The following FGF14 variants were observed in gnomAD, a reference collection of about 807,000 sequenced individuals.
The protein encoded by FGF14 is fibroblast growth factor 14.
In FGF14, 5 loss-of-function variants were observed where a neutral mutation model predicts 25.5. That is an observed-to-expected ratio of 0.20 (90% CI 0.10 to 0.41). The LOEUF is 0.41. Ranked by LOEUF, FGF14 falls within the 10% of genes least tolerant of loss-of-function variation. FGF14 has a pLI of 1.00. For synonymous variants in FGF14, 138 were observed against 118.3 expected, an observed-to-expected ratio of 1.17 and a Z score of -1.08; for missense variants, 222 against 320.1, an observed-to-expected ratio of 0.69 and a Z score of 2.34.
At chr13:102,199,932 G>A (rs1017308261) in intron 1 of FGF14, among the ~76,000 whole-genome samples, 5 of 152,120 alleles carry the variant, frequency 3.3e-5, no homozygotes, top group African/African-American at 1.2e-4. Flanking sequence ...ACACTTTGGG[G>A]ATGCACCCTT....
intron 1 of FGF14, among the ~76,000 whole-genome samples, chr13:102,137,359 A>T (rs2046456695): frequency 6.6e-6 from 1 of 152,248 alleles, no homozygotes; most frequent in Non-Finnish European, 1.5e-5. Flanking sequence ...CCGGACAAGC[A>T]AATAAAATTA....
intron 1 of FGF14, among the ~76,000 whole-genome samples, chr13:102,153,091 G>C (rs2047160366): frequency 6.6e-6 from 1 of 152,152 alleles, no homozygotes; most frequent in East Asian, 1.9e-4. Flanking sequence ...ATAGAGTGAA[G>C]CGATTAACCG....
chr13:101,824,909 C>A (rs191155398), intron 3 of FGF14, among the ~76,000 whole-genome samples: 132 of 152,340 alleles, frequency 8.7e-4, no homozygotes, highest in African/African-American at 3.1e-3. Context: ...AATACATCCC[C>A]TTGCCAGGAG....
intron 1 of FGF14, among the ~76,000 whole-genome samples, chr13:102,037,534 T>C (rs535128219): frequency 1.1e-4 from 17 of 152,222 alleles, no homozygotes; most frequent in Admixed American, 5.9e-4. Flanking sequence ...TCCATATTCC[T>C]AACATAATCA....
intron 1 of FGF14, among the ~76,000 whole-genome samples, chr13:102,112,339 G>GT (rs2045271919): frequency 6.6e-6 from 1 of 152,056 alleles, no homozygotes; most frequent in South Asian, 2.1e-4. Context: ...AGAAGCTCAG[G>GT]TCCCCCGCCT....
At chr13:102,141,482 C>G (rs1229992541) in intron 1 of FGF14, among the ~76,000 whole-genome samples, 1 of 152,140 alleles carries the variant, frequency 6.6e-6, no homozygotes, top group Non-Finnish European at 1.5e-5. Context: ...AAACAGATTT[C>G]AAGACGAGAA....
intron 1 of FGF14, among the ~76,000 whole-genome samples, chr13:102,323,226 A>G (rs144935891): frequency 1.5e-4 from 23 of 152,302 alleles, no homozygotes; most frequent in African/African-American, 5.5e-4. Flanking sequence ...GTTCCATGTC[A>G]GTTTGAGACC....
At chr13:101,958,044 AAC>A (rs1181905239) in intron 1 of FGF14, among the ~76,000 whole-genome samples, 1 of 152,236 alleles carries the variant, frequency 6.6e-6, no homozygotes, top group Non-Finnish European at 1.5e-5. Flanking sequence ...CAGTAAATAA[AAC>A]ACATTGTCTA....
rs1284296667 is a variant in FGF14, at chr13:102,009,437, G to A, written c.209-134141C>T. 1.4e-4 allele frequency among the ~76,000 whole-genome samples: 22 copies of A among 151,826 alleles called. No individual in the cohort carries two copies. The East Asian group carries it at 3.3e-3, about 23-fold the overall frequency. On this transcript the variant is annotated intron_variant, in intron 1 of 4. Transcript: ENST00000376131. Reference sequence around the variant, plus strand: ...ATCAGTTTGACGTGCATGAGTTTGTGGTTTCACTGTGCATTGTAATCAACA... The same window carrying A: ...ATCAGTTTGACGTGCATGAGTTTGTAGTTTCACTGTGCATTGTAATCAACA...
chr13:101,821,243 C>G (rs374472361), intron 3 of FGF14, among the ~76,000 whole-genome samples: 8 of 152,134 alleles, frequency 5.3e-5, no homozygotes, highest in Non-Finnish European at 1.0e-4. Context: ...CCACTGCGCC[C>G]GGCCCAAATT....
chr13:102,035,297 A>AT (rs1486922138), intron 1 of FGF14, among the ~76,000 whole-genome samples: 2 of 152,064 alleles, frequency 1.3e-5, no homozygotes, highest in Non-Finnish European at 2.9e-5. Flanking sequence ...ACTTATATTT[A>AT]TTTTTATATT....
chr13:102,195,171 A>T (rs2049294596), intron 1 of FGF14, among the ~76,000 whole-genome samples: 1 of 152,232 alleles, frequency 6.6e-6, no homozygotes, highest in African/African-American at 2.4e-5. Context: ...CACATGAAGA[A>T]ATATTAACAG....
At chr13:102,007,024 G>A (rs372015906) in intron 1 of FGF14, among the ~76,000 whole-genome samples, 21 of 152,192 alleles carry the variant, frequency 1.4e-4, no homozygotes, top group African/African-American at 4.3e-4. Flanking sequence ...GATTACAGGC[G>A]TGAGCCACCG....
At chr13:102,150,293 AG>A (rs1247602690) in intron 1 of FGF14, among the ~76,000 whole-genome samples, 2 of 116,524 alleles carry the variant, frequency 1.7e-5, no homozygotes, top group Non-Finnish European at 1.7e-5. Context: ...TTGTGTTTTT[AG>A]GTTTTTTTTT....
At position 101,788,057 on chromosome 13, in the gene FGF14, G is replaced by C. The variant is rs566539569; in HGVS notation, c.409-61247C>G. Among the ~76,000 whole-genome samples, 43 of 152,208 alleles carry C rather than the reference G, an allele frequency of 2.8e-4. 1 individual carries two copies. In the East Asian group the frequency reaches 8.3e-3, roughly 29 times the overall value. On this transcript the variant is annotated intron_variant, in intron 3 of 4. Transcript: ENST00000376143. ...CAGCTAATTTTTGTATTTTTTAGTA[G>C]AGACAGGGTTTTGCCATGTTGGTCA...
chr13:102,364,688 C>T (rs186828746), intron 1 of FGF14, among the ~76,000 whole-genome samples: 14 of 152,258 alleles, frequency 9.2e-5, no homozygotes, highest in African/African-American at 2.6e-4. Context: ...AAAGTCTAAG[C>T]GAGTTTTCAA....
intron 3 of FGF14, among the ~76,000 whole-genome samples, chr13:101,738,148 C>T (rs1187670311): frequency 6.6e-6 from 1 of 152,096 alleles, no homozygotes; most frequent in African/African-American, 2.4e-5. Flanking sequence ...GCACCATCTC[C>T]ATGTCATAGA....
chr13:102,081,570 T>G (rs933955379), intron 1 of FGF14, among the ~76,000 whole-genome samples: 1 of 152,202 alleles, frequency 6.6e-6, no homozygotes, highest in Non-Finnish European at 1.5e-5. Context: ...TGAAAAGATT[T>G]TCATCCCTGC....
intron 1 of FGF14, among the ~76,000 whole-genome samples, chr13:101,997,576 G>A (rs746691680): frequency 1.3e-5 from 2 of 152,186 alleles, no homozygotes; most frequent in Non-Finnish European, 2.9e-5. Context: ...CAGGTCTAGA[G>A]GTTCTGATTC....
Sources: allele counts gnomAD v4.1 joint callset (sites outside exome capture counted in the v4.1 genomes callset), GRCh38; gene constraint gnomAD v4.1.1; transcripts MANE v1.5; gene names NCBI Gene and HGNC (gene_info 2026-07-23, HGNC 2026-07-21).